NF1: variants seen among roughly 807,000 people sequenced by gnomAD.
The protein encoded by NF1 is neurofibromin 1, also known as neurofibromin.
In NF1, 122 loss-of-function variants were observed where a neutral mutation model predicts 325.7. That is an observed-to-expected ratio of 0.37 (90% CI 0.32 to 0.44). The LOEUF is 0.44. Among genes scored for constraint, NF1 ranks in the 20% least tolerant of loss-of-function variants. The probability of loss-of-function intolerance (pLI) is 1.00; values close to 1 mark genes in which losing one functional copy is unlikely to be tolerated. For synonymous variants in NF1, 1,091 were observed against 1,186.0 expected (o/e 0.92, Z 1.65); for missense variants, 2,140 against 3,415.4 (o/e 0.63, Z 9.31).
chr17:31,233,799 G>A (rs2067154830), intron 27 of NF1, among the ~76,000 whole-genome samples: 1 of 152,146 alleles, frequency 6.6e-6, no homozygotes, highest in Non-Finnish European at 1.5e-5. Flanking sequence ...TTGCTTTTTA[G>A]TGTACCAAAA....
chr17:31,103,434 A>T (rs1166430864), intron 1 of NF1, among the ~76,000 whole-genome samples: 2 of 151,868 alleles, frequency 1.3e-5, no homozygotes, highest in African/African-American at 4.8e-5. Context: ...TAGTAGAGGC[A>T]GGGTTTTACC....
chr17:31,108,727 CTGACT>C (rs1555597371), intron 1 of NF1, among the ~76,000 whole-genome samples: 1 of 152,080 alleles, frequency 6.6e-6, no homozygotes, highest in Non-Finnish European at 1.5e-5. Context: ...TATTCTTATA[CTGACT>C]TTAAGAGCTG....
Position 31,095,216 on chromosome 17 carries a change from T to G in NF1, c.-94T>G. 1 of 1,214,696 alleles carries G rather than the reference T, an allele frequency of 8.2e-7. No homozygotes were observed. Among genetic ancestry groups the G allele is most frequent in the Middle Eastern group, 2.7e-4 (1 of 3,704 alleles). 75.2% of individuals were successfully genotyped at this position (1,214,696 alleles called of 1,614,324 possible). A position where few individuals can be genotyped will look rare whatever the true frequency, so the allele number is the denominator to read the frequency against. ...GCACTCCACAGACCCTCTCCTTGCC[T>G]CTTCCCTCACCTCAGCCTCCGCTCC... On this transcript the variant is annotated 5_prime_UTR_variant, in exon 1 of 58. Transcript: ENST00000358273.
intron 36 of NF1, among the ~76,000 whole-genome samples, chr17:31,283,492 C>T (rs1346222989): frequency 1.3e-5 from 2 of 151,522 alleles, no homozygotes; most frequent in Non-Finnish European, 2.9e-5. Flanking sequence ...CTCACTCTGT[C>T]GCCCAGGCTG....
chr17:31,355,813 G>C (rs1184257381), intron 51 of NF1: 1 of 152,682 alleles, frequency 6.5e-6, no homozygotes, highest in Non-Finnish European at 1.5e-5. Flanking sequence ...TCATATCACT[G>C]CACTCCAGCC....
chr17:31,206,173 A>G (rs2066616814), intron 11 of NF1, 67 bp from the exon 12 acceptor site: 2 of 1,573,100 alleles, frequency 1.3e-6, no homozygotes, highest in East Asian at 2.2e-5. Flanking sequence ...AACTACAGTG[A>G]TAAACAGAGC....
chr17:31,229,086 G>T lies in NF1; in HGVS notation c.2471G>T (p.Gly824Val), dbSNP rs2067065647. The T allele has an allele frequency of 6.2e-7, 1 of 1,611,894 alleles. No individual in the cohort carries two copies. Among genetic ancestry groups the T allele is most frequent in the Non-Finnish European group, 8.5e-7 (1 of 1,179,778 alleles). ...CGAATGTCCCATGTGAGTGGAGGAG[G>T]ATCCATAGATTTGTCTGACACAGAC... ...KRRMSHVSGG[G>V]SIDLSDTDSL... Residue 824 changes from glycine to valine, a missense_variant, in exon 21 of 58, where the codon GGA becomes GTA. This residue lies in a region of NF1 where 380 missense variants were observed against 639.3 expected (regional missense o/e 0.59). Transcript: ENST00000358273.
chr17:31,159,633 C>T (rs1567816360), intron 3 of NF1, among the ~76,000 whole-genome samples: 1 of 152,080 alleles, frequency 6.6e-6, no homozygotes, highest in Non-Finnish European at 1.5e-5. Flanking sequence ...CTCTGGTTTC[C>T]TGTAAGTTGT....
At chr17:31,310,541 C>G (rs1479713646) in intron 36 of NF1, among the ~76,000 whole-genome samples, 1 of 152,090 alleles carries the variant, frequency 6.6e-6, no homozygotes, top group East Asian at 1.9e-4. Context: ...AGCTTGCTTT[C>G]TAAAATGGAG....
intron 35 of NF1, 52 bp downstream of exon 35, chr17:31,261,909 G>A (rs1258974588): frequency 6.3e-7 from 1 of 1,591,922 alleles, no homozygotes; most frequent in Non-Finnish European, 8.6e-7. Flanking sequence ...TTGAGAAGGA[G>A]AGTTTGCCAC....
intron 29 of NF1, 143 bp from the exon 30 acceptor site, chr17:31,248,841 T>C (rs1597734838): frequency 3.8e-6 from 3 of 783,238 alleles, no homozygotes; most frequent in East Asian, 5.4e-5. Flanking sequence ...CTTTTTTTTT[T>C]TTATAGTTGG....
intron 36 of NF1, among the ~76,000 whole-genome samples, chr17:31,319,653 A>G (rs551837571): frequency 3.3e-5 from 5 of 151,632 alleles, no homozygotes; most frequent in Admixed American, 1.3e-4. Flanking sequence ...TGTGAACGCA[A>G]TTTTACTGTG....
intron 36 of NF1, chr17:31,320,292 C>T: frequency 2.5e-6 from 3 of 1,183,956 alleles, no homozygotes; most frequent in Non-Finnish European, 3.5e-6. Flanking sequence ...GTTAAGAACC[C>T]TACGTATGCT....
chr17:31,367,744 A>G (rs978154311), intron 57 of NF1, among the ~76,000 whole-genome samples: 9 of 152,168 alleles, frequency 5.9e-5, no homozygotes, highest in African/African-American at 1.9e-4. Context: ...GCTCACGCCT[A>G]TAATCACAGC....
chr17:31,205,555 T>G (rs1204198032), intron 11 of NF1, among the ~76,000 whole-genome samples: 5 of 152,126 alleles, frequency 3.3e-5, no homozygotes, highest in Non-Finnish European at 5.9e-5. Context: ...AAACTAGACA[T>G]CAGAGTTAAA....
chr17:31,327,954 C>T (rs561087769), intron 38 of NF1, 115 bp downstream of exon 38: 24 of 1,030,176 alleles, frequency 2.3e-5, no homozygotes, highest in African/African-American at 1.6e-4. Context: ...GGAAGGTATG[C>T]AGTGTTGGTT....
chr17:31,195,791 C>T, intron 8 of NF1, among the ~76,000 whole-genome samples: 1 of 151,848 alleles, frequency 6.6e-6, no homozygotes, highest in East Asian at 1.9e-4. Flanking sequence ...TGATATATTC[C>T]ATTGTATATA....
At chr17:31,218,893 A>G (rs1229822317) in intron 13 of NF1, 112 bp from the exon 14 acceptor site, 1 of 1,085,090 alleles carries the variant, frequency 9.2e-7, no homozygotes, top group African/African-American at 1.6e-5. Flanking sequence ...CATTGTTATC[A>G]CCCCTAAAAG....
At chr17:31,283,433 A>C (rs1353151606) in intron 36 of NF1, among the ~76,000 whole-genome samples, 1 of 151,108 alleles carries the variant, frequency 6.6e-6, no homozygotes, top group African/African-American at 2.4e-5. Flanking sequence ...ACAAACAAAA[A>C]AAAACACTAA....
Sources: allele counts gnomAD v4.1 joint callset (sites outside exome capture counted in the v4.1 genomes callset), GRCh38; gene constraint gnomAD v4.1.1; regional missense constraint gnomAD v4.1.1; transcripts MANE v1.5; gene names NCBI Gene and HGNC (gene_info 2026-07-23, HGNC 2026-07-21).